The following GRID1 variants were observed in gnomAD, a reference collection of about 807,000 sequenced individuals.
The protein encoded by GRID1 is glutamate receptor ionotropic, delta-1.
GRID1 carries 28 observed loss-of-function variants against 98.0 expected under a neutral mutation model. The observed-to-expected ratio is 0.29, with a 90% CI of 0.21 to 0.39. GRID1 has a LOEUF of 0.39. Among genes scored for constraint, GRID1 ranks in the 10% least tolerant of loss-of-function variants. The pLI is 1.00. For missense variants in GRID1, 1,111 were observed against 1,340.5 expected, an observed-to-expected ratio of 0.83 and a Z score of 2.67; for synonymous variants, 553 against 538.5, an observed-to-expected ratio of 1.03 and a Z score of -0.37.
At chr10:85,777,792 C>A (rs1407393801) in intron 8 of GRID1, among the ~76,000 whole-genome samples, 1 of 152,182 alleles carries the variant, frequency 6.6e-6, no homozygotes, top group Non-Finnish European at 1.5e-5. Flanking sequence ...TAGTCCTGGG[C>A]AAATGAGGAA....
intron 13 of GRID1, among the ~76,000 whole-genome samples, chr10:85,631,753 G>C (rs917428598): frequency 1.3e-5 from 2 of 152,006 alleles, no homozygotes; most frequent in African/African-American, 4.8e-5. Flanking sequence ...TTATTCCATG[G>C]GAAAAATTAA....
chr10:86,334,834 T>G (rs1848201393), intron 2 of GRID1, among the ~76,000 whole-genome samples: 4 of 152,190 alleles, frequency 2.6e-5, no homozygotes, highest in African/African-American at 9.6e-5. Flanking sequence ...CCTCAGTCCC[T>G]CCCCACTTCC....
chr10:86,138,765 T>A, intron 4 of GRID1, 54 bp downstream of exon 4: 1 of 1,442,906 alleles, frequency 6.9e-7, no homozygotes, highest in Non-Finnish European at 9.7e-7. Context: ...CTGAACCATC[T>A]TCTGCAGAGC....
chr10:85,670,185 C>T (rs1002238623), intron 12 of GRID1, among the ~76,000 whole-genome samples: 1 of 152,128 alleles, frequency 6.6e-6, no homozygotes, highest in Non-Finnish European at 1.5e-5. Context: ...GACTGAAAAG[C>T]CCTTTAAAGA....
At chr10:86,025,500 T>C (rs1473398364) in intron 4 of GRID1, among the ~76,000 whole-genome samples, 1 of 152,156 alleles carries the variant, frequency 6.6e-6, no homozygotes, top group African/African-American at 2.4e-5. Flanking sequence ...AATCAAGGGG[T>C]TCCACCAATT....
chr10:85,849,666 C>A (rs1843039680), intron 8 of GRID1, among the ~76,000 whole-genome samples: 2 of 152,098 alleles, frequency 1.3e-5, no homozygotes, highest in South Asian at 4.1e-4. Context: ...CTGCCAAGCC[C>A]CCTCACTCCC....
intron 4 of GRID1, among the ~76,000 whole-genome samples, chr10:85,968,993 G>A (rs539477030): frequency 6.6e-6 from 1 of 152,244 alleles, no homozygotes; most frequent in East Asian, 1.9e-4. Flanking sequence ...GTAAAACAAT[G>A]GGAAAATATG....
At chr10:85,994,733 A>G (rs1010760157) in intron 4 of GRID1, among the ~76,000 whole-genome samples, 1 of 152,184 alleles carries the variant, frequency 6.6e-6, no homozygotes, top group African/African-American at 2.4e-5. Flanking sequence ...CTGTAAACTC[A>G]TCTCCAGCTG....
At chr10:85,848,013 T>C (rs909555303) in intron 8 of GRID1, among the ~76,000 whole-genome samples, 2 of 152,184 alleles carry the variant, frequency 1.3e-5, no homozygotes, top group African/African-American at 4.8e-5. Flanking sequence ...TACAAAAATG[T>C]GAAATACAAA....
In GRID1 at chr10:85,837,638, GAA is replaced by G. The variant is rs34037712; in HGVS notation, c.1233+16856_1233+16857del. ...AGAGTCATCGAATAGGACAAAAGGAGAAAAAAAAAAAACCATCCAGAGGTCAG... is the reference window on the plus strand; with the variant it reads ...AGAGTCATCGAATAGGACAAAAGGAGAAAAAAAAAACCATCCAGAGGTCAG... On this transcript the variant is annotated intron_variant, in intron 8 of 15. Transcript: ENST00000327946. Among the ~76,000 whole-genome samples the G allele has an allele frequency of 2.8e-3, 402 of 141,962 alleles. 3 individuals carry two copies. Among genetic ancestry groups the G allele is most frequent in the African/African-American group, 9.9e-3 (384 of 38,916 alleles). The allele number at this position is 141,962 out of a possible 152,430, so 93.1% of individuals were successfully genotyped here.
chr10:86,276,316 C>T (rs1847268750), intron 2 of GRID1, among the ~76,000 whole-genome samples: 1 of 152,134 alleles, frequency 6.6e-6, no homozygotes, highest in Admixed American at 6.5e-5. Flanking sequence ...ACCAAATTTT[C>T]CCATTCTATA....
chr10:85,893,168 G>C (rs1241011995), intron 5 of GRID1, among the ~76,000 whole-genome samples: 1 of 151,904 alleles, frequency 6.6e-6, no homozygotes, highest in Non-Finnish European at 1.5e-5. Context: ...AAAAATATTT[G>C]GCAAAATTCA....
chr10:86,183,862 AG>A, intron 3 of GRID1, among the ~76,000 whole-genome samples: 1 of 152,388 alleles, frequency 6.6e-6, no homozygotes, highest in South Asian at 2.1e-4. Flanking sequence ...TCAAACTGGT[AG>A]TGCATTTTAC....
intron 4 of GRID1, among the ~76,000 whole-genome samples, chr10:86,057,005 G>C (rs551231988): frequency 1.3e-5 from 2 of 152,216 alleles, no homozygotes; most frequent in Non-Finnish European, 2.9e-5. Context: ...CGAAGGTGAA[G>C]TTCCTTCAGC....
intron 4 of GRID1, among the ~76,000 whole-genome samples, chr10:85,974,445 A>G (rs1217837954): frequency 6.6e-6 from 1 of 152,200 alleles, no homozygotes; most frequent in Non-Finnish European, 1.5e-5. Flanking sequence ...AGGTACTATT[A>G]TTGTTTTTAA....
At chr10:85,803,273 G>A (rs1382252105) in intron 8 of GRID1, among the ~76,000 whole-genome samples, 1 of 152,050 alleles carries the variant, frequency 6.6e-6, no homozygotes, top group African/African-American at 2.4e-5. Context: ...ATGTTTGAGA[G>A]GATGGATACA....
intron 15 of GRID1, among the ~76,000 whole-genome samples, chr10:85,612,628 G>A (rs950145940): frequency 6.6e-6 from 1 of 151,942 alleles, no homozygotes; most frequent in Non-Finnish European, 1.5e-5. Flanking sequence ...GGTGTGGCTG[G>A]GCATGTGGAG....
chr10:85,777,664 T>A (rs1327993439), intron 8 of GRID1, among the ~76,000 whole-genome samples: 1 of 152,254 alleles, frequency 6.6e-6, no homozygotes, highest in African/African-American at 2.4e-5. Flanking sequence ...GCCAATTTAC[T>A]TGCTTTTTGC....
intron 8 of GRID1, among the ~76,000 whole-genome samples, chr10:85,788,236 G>A (rs1842447894): frequency 6.6e-6 from 1 of 152,072 alleles, no homozygotes; most frequent in Admixed American, 6.5e-5. Context: ...CTCTTTCTCT[G>A]TGGGAGAAAC....
Sources: allele counts gnomAD v4.1 joint callset (sites outside exome capture counted in the v4.1 genomes callset), GRCh38; gene constraint gnomAD v4.1.1; transcripts MANE v1.5; gene names NCBI Gene and HGNC (gene_info 2026-07-23, HGNC 2026-07-21).